EPHA6: variants seen among roughly 807,000 people sequenced by gnomAD.
EPHA6 encodes EPH receptor A6.
A neutral mutation model predicts 112.0 loss-of-function variants in EPHA6; 50 were observed. The observed-to-expected ratio is 0.45, with a 90% CI of 0.36 to 0.56. The LOEUF is 0.56. Ranked by LOEUF, EPHA6 falls within the 20% of genes least tolerant of loss-of-function variation. The pLI, the probability that EPHA6 is intolerant of heterozygous loss-of-function variation, is 0.00. For missense variants in EPHA6, 1,280 were observed against 1,417.4 expected, an observed-to-expected ratio of 0.90 and a Z score of 1.56; for synonymous variants, 529 against 490.7, an observed-to-expected ratio of 1.08 and a Z score of -1.03.
chr3:97,344,597 C>T (rs138819397), intron 5 of EPHA6, among the ~76,000 whole-genome samples: 7 of 152,256 alleles, frequency 4.6e-5, no homozygotes, highest in African/African-American at 1.7e-4. Context: ...ACTTACACCC[C>T]CCAGAACTGT....
At chr3:96,994,730 T>TAGAGAGAGAG (rs1325190702) in intron 3 of EPHA6, among the ~76,000 whole-genome samples, 167 of 82,792 alleles carry the variant, frequency 2.0e-3, no homozygotes, top group East Asian at 6.1e-3. Context: ...TATATATATA[T>TAGAGAGAGAG]ATAGAGAGAG....
chr3:96,867,269 T>A (rs2036371339), intron 2 of EPHA6, among the ~76,000 whole-genome samples: 1 of 151,786 alleles, frequency 6.6e-6, no homozygotes, highest in Non-Finnish European at 1.5e-5. Flanking sequence ...TATAAATGGA[T>A]TGTGCAAATA....
chr3:97,380,665 T>G (rs2085672298), intron 5 of EPHA6, among the ~76,000 whole-genome samples: 3 of 152,246 alleles, frequency 2.0e-5, no homozygotes, highest in Non-Finnish European at 4.4e-5. Flanking sequence ...GGTCAGATTT[T>G]AATACTCATA....
intron 3 of EPHA6, among the ~76,000 whole-genome samples, chr3:97,149,302 A>G (rs917232881): frequency 1.3e-5 from 2 of 152,150 alleles, no homozygotes; most frequent in African/African-American, 4.8e-5. Flanking sequence ...GGCAGGATCC[A>G]AAACCACATG....
Position 96,905,483 on chromosome 3 carries a change from G to A in EPHA6, c.450+38594G>A, listed in dbSNP as rs2038883564. On this transcript the variant is annotated intron_variant, in intron 2 of 17. Coordinates refer to ENST00000389672, the MANE Select transcript of EPHA6 (RefSeq NM_001080448.3). ...GAAAATACAGATTTTAAAAAATCAT[G>A]TGAAATATTATTATGTCTTTATGCA... Among the ~76,000 whole-genome samples, 2 of 132,396 alleles carry A rather than the reference G, an allele frequency of 1.5e-5. 1 individual carries two copies. Among genetic ancestry groups the A allele is most frequent in the Middle Eastern group, 7.5e-3 (2 of 268 alleles). 86.9% of individuals were successfully genotyped at this position (132,396 alleles called of 152,430 possible). A position where few individuals can be genotyped will look rare whatever the true frequency, so the allele number is the denominator to read the frequency against.
intron 5 of EPHA6, among the ~76,000 whole-genome samples, chr3:97,303,751 A>T (rs2081193702): frequency 6.6e-6 from 1 of 152,046 alleles, no homozygotes; most frequent in Non-Finnish European, 1.5e-5. Context: ...GGAGCCATTT[A>T]AAAAAATAAA....
intron 7 of EPHA6, among the ~76,000 whole-genome samples, chr3:97,473,111 T>A (rs954894345): frequency 6.6e-6 from 1 of 151,740 alleles, no homozygotes; most frequent in Non-Finnish European, 1.5e-5. Flanking sequence ...TTTATAATCA[T>A]CCCAGCCTCA....
At chr3:97,549,076 T>C (rs2092995902) in intron 11 of EPHA6, among the ~76,000 whole-genome samples, 1 of 152,234 alleles carries the variant, frequency 6.6e-6, no homozygotes, top group South Asian at 2.1e-4. Context: ...CTGTACATAA[T>C]GCTTGATAAT....
At chr3:97,312,601 G>A (rs571058200) in intron 5 of EPHA6, among the ~76,000 whole-genome samples, 5 of 151,510 alleles carry the variant, frequency 3.3e-5, no homozygotes, top group Admixed American at 2.6e-4. Context: ...TTTTGGATAA[G>A]GGATAATCAA....
intron 1 of EPHA6, among the ~76,000 whole-genome samples, chr3:96,846,682 A>G (rs1302247423): frequency 1.3e-5 from 2 of 152,052 alleles, no homozygotes; most frequent in African/African-American, 4.8e-5. Flanking sequence ...TGGTTCAGTG[A>G]AAAAAATGAA....
chr3:97,475,410 C>T lies in EPHA6; in HGVS notation c.1953C>T (p.Gly651=), dbSNP rs183002871. 460 of 1,612,014 alleles carry T rather than the reference C, an allele frequency of 2.9e-4. 3 individuals carry two copies. In the East Asian group the frequency reaches 8.7e-3, roughly 30 times the overall value. Residue 651 remains glycine (G), a synonymous_variant, in exon 8 of 18, where the codon GGC becomes GGT. Coordinates refer to ENST00000389672, the MANE Select transcript of EPHA6 (RefSeq NM_001080448.3). ...TCGTGATAGCCACCGCCGCTGTTGGCGGATTCACTCTCCTCGTCATCCTCA... is the reference window on the plus strand; with the variant it reads ...TCGTGATAGCCACCGCCGCTGTTGGTGGATTCACTCTCCTCGTCATCCTCA... ...QILVIATAAV[G]GFTLLVILTL... is the part of the protein sequence containing the mutation.
intron 6 of EPHA6, among the ~76,000 whole-genome samples, chr3:97,436,483 C>T (rs981040203): frequency 1.3e-4 from 20 of 152,004 alleles, no homozygotes; most frequent in Non-Finnish European, 4.4e-5. Context: ...ATTGTTTTTT[C>T]CCCTGTCCTA....
At chr3:97,520,050 C>T (rs2092514181) in intron 10 of EPHA6, among the ~76,000 whole-genome samples, 1 of 150,608 alleles carries the variant, frequency 6.6e-6, no homozygotes, top group African/African-American at 2.5e-5. Context: ...TCACTGCAAG[C>T]TCTGCCTCCC....
intron 4 of EPHA6, among the ~76,000 whole-genome samples, chr3:97,235,354 A>G (rs1207458464): frequency 6.6e-6 from 1 of 152,070 alleles, no homozygotes; most frequent in Non-Finnish European, 1.5e-5. Context: ...ACTGCTTATC[A>G]AGCCTAGCTT....
intron 3 of EPHA6, among the ~76,000 whole-genome samples, chr3:97,114,843 G>A (rs1464190490): frequency 2.0e-5 from 3 of 152,122 alleles, no homozygotes; most frequent in East Asian, 1.9e-4. Context: ...ATAATTATAT[G>A]TAAGCTGATC....
chr3:97,213,954 A>G (rs1198716977), intron 3 of EPHA6, among the ~76,000 whole-genome samples: 1 of 151,082 alleles, frequency 6.6e-6, no homozygotes, highest in Non-Finnish European at 1.5e-5. Flanking sequence ...AATTAGTACC[A>G]GTACTCCTTT....
chr3:97,221,936 A>G (rs531712878), intron 3 of EPHA6, among the ~76,000 whole-genome samples: 111 of 151,452 alleles, frequency 7.3e-4, no homozygotes, highest in Non-Finnish European at 1.5e-3. Context: ...AGGCTGAGGC[A>G]GGAGAATTGC....
chr3:97,177,750 T>C (rs186459240), intron 3 of EPHA6, among the ~76,000 whole-genome samples: 10 of 152,146 alleles, frequency 6.6e-5, no homozygotes, highest in Non-Finnish European at 1.2e-4. Context: ...TATTTTTTTC[T>C]GAGATAAGTA....
At chr3:97,697,894 C>T (rs957553183) in intron 14 of EPHA6, among the ~76,000 whole-genome samples, 2 of 152,090 alleles carry the variant, frequency 1.3e-5, no homozygotes, top group Non-Finnish European at 2.9e-5. Flanking sequence ...TTATACTCAG[C>T]GCCTGGCCCT....
Sources: allele counts gnomAD v4.1 joint callset (sites outside exome capture counted in the v4.1 genomes callset), GRCh38; gene constraint gnomAD v4.1.1; transcripts MANE v1.5; gene names NCBI Gene and HGNC (gene_info 2026-07-23, HGNC 2026-07-21).